The following SORBS2 variants were observed in gnomAD, a reference collection of about 807,000 sequenced individuals.
SORBS2 encodes the protein sorbin and SH3 domain-containing protein 2.
Under a neutral mutation model 97.7 loss-of-function variants are expected in SORBS2, and 46 were observed. The observed-to-expected ratio is 0.47, with a 90% CI of 0.37 to 0.60. The LOEUF (loss-of-function observed/expected upper bound fraction) is 0.60, where lower values mean the gene tolerates loss of function less well. SORBS2 is among the 20% of genes least tolerant of loss of function. The pLI, the probability that SORBS2 is intolerant of heterozygous loss-of-function variation, is 0.00. For synonymous variants in SORBS2, 476 were observed against 473.4 expected, an observed-to-expected ratio of 1.01 and a Z score of -0.07; for missense variants, 1,316 against 1,282.3, an observed-to-expected ratio of 1.03 and a Z score of -0.40.
intron 1 of SORBS2, among the ~76,000 whole-genome samples, chr4:185,925,052 C>A (rs2099262947): frequency 6.6e-6 from 1 of 152,138 alleles, no homozygotes; most frequent in South Asian, 2.1e-4. Context: ...CAAAAAGTTG[C>A]CACTGATTGA....
At chr4:185,586,882 C>T (rs2095806673) in exon 15 of SORBS2, 1 of 152,656 alleles carries the variant, frequency 6.6e-6, no homozygotes, top group South Asian at 2.1e-4. Context: ...TGTAGCCTAG[C>T]TCAGCCTCTT....
intron 1 of SORBS2, among the ~76,000 whole-genome samples, chr4:185,836,946 G>T (rs1463502492): frequency 6.6e-6 from 1 of 152,200 alleles, no homozygotes; most frequent in Non-Finnish European, 1.5e-5. Flanking sequence ...TAGCTAAGCT[G>T]CCTCGAATTC....
intron 1 of SORBS2, among the ~76,000 whole-genome samples, chr4:185,906,171 C>T (rs1463880642): frequency 7.2e-5 from 11 of 152,082 alleles, no homozygotes; most frequent in African/African-American, 1.4e-4. Context: ...GTAGCTGGGA[C>T]TACTGGCATG....
rs1305421607 is a variant in SORBS2 at position 185,635,294 on chromosome 4, A to G, written c.397-4696T>C. 7.7e-5 allele frequency: 92 copies of G among 1,198,178 alleles called. 1 individual carries two copies. Among genetic ancestry groups the G allele is most frequent in the South Asian group, 2.3e-4 (18 of 78,854 alleles). The allele number at this position is 1,198,178 out of a possible 1,614,324, so 74.2% of individuals were successfully genotyped here. A position where few individuals can be genotyped will look rare whatever the true frequency, so the allele number is the denominator to read the frequency against. ...AGAGAATTGTAAAACACAGATGTGC[A>G]GAATCACAGTCACAGCCTCTAAGGG... On this transcript the variant is annotated intron_variant, in intron 4 of 14. Transcript: ENST00000418609.
chr4:185,826,496 C>T (rs2099199891), intron 1 of SORBS2, among the ~76,000 whole-genome samples: 1 of 152,220 alleles, frequency 6.6e-6, no homozygotes, highest in African/African-American at 2.4e-5. Flanking sequence ...TCATCCTAGT[C>T]TCTAAACAGA....
chr4:185,825,797 T>G (rs950495349), intron 1 of SORBS2, among the ~76,000 whole-genome samples: 2 of 152,226 alleles, frequency 1.3e-5, no homozygotes, highest in Non-Finnish European at 2.9e-5. Flanking sequence ...CTGAGGTTAA[T>G]GAAATAATTT....
intron 2 of SORBS2, among the ~76,000 whole-genome samples, chr4:185,700,565 A>C (rs560619561): frequency 1.3e-4 from 20 of 152,354 alleles, no homozygotes; most frequent in Admixed American, 2.6e-4. Context: ...TATAAATAAC[A>C]GTTGCAGCTA....
chr4:185,941,014 C>T (rs1166485001), intron 1 of SORBS2, among the ~76,000 whole-genome samples: 2 of 151,996 alleles, frequency 1.3e-5, no homozygotes, highest in Non-Finnish European at 2.9e-5. Flanking sequence ...GGACAGCTGC[C>T]CACATAAAAG....
chr4:185,809,964 T>C, intron 1 of SORBS2, among the ~76,000 whole-genome samples: 1 of 152,228 alleles, frequency 6.6e-6, no homozygotes, highest in East Asian at 1.9e-4. Context: ...TGTAAAGCTT[T>C]GAAGGAAATT....
intron 11 of SORBS2, 87 bp from the exon 24 acceptor site, chr4:185,612,067 G>C: frequency 9.5e-7 from 1 of 1,050,390 alleles, no homozygotes; most frequent in Non-Finnish European, 1.4e-6. Flanking sequence ...GAAAAAATAG[G>C]TTTCCATTTG....
At chr4:185,641,620 A>G (rs1321782231) in intron 4 of SORBS2, among the ~76,000 whole-genome samples, 1 of 152,096 alleles carries the variant, frequency 6.6e-6, no homozygotes, top group African/African-American at 2.4e-5. Context: ...TGAGTACAGC[A>G]CTAATATTAA....
chr4:185,834,702 A>G (rs913818210), intron 1 of SORBS2, among the ~76,000 whole-genome samples: 2 of 152,320 alleles, frequency 1.3e-5, no homozygotes, highest in African/African-American at 4.8e-5. Context: ...TTAAAACTCA[A>G]AAGTGATTTT....
chr4:185,938,516 C>A (rs1278893285), intron 1 of SORBS2, among the ~76,000 whole-genome samples: 1 of 151,784 alleles, frequency 6.6e-6, no homozygotes, highest in Non-Finnish European at 1.5e-5. Context: ...ACTCAAACTT[C>A]TTATCCTGCG....
At chr4:185,814,002 G>A (rs1346049112) in intron 1 of SORBS2, among the ~76,000 whole-genome samples, 1 of 152,132 alleles carries the variant, frequency 6.6e-6, no homozygotes, top group Non-Finnish European at 1.5e-5. Context: ...CTACGACACT[G>A]TATGAATAGG....
intron 9 of SORBS2, among the ~76,000 whole-genome samples, chr4:185,617,624 T>C (rs932376377): frequency 6.6e-6 from 1 of 152,188 alleles, no homozygotes; most frequent in Admixed American, 6.5e-5. Flanking sequence ...GAACAAAGTT[T>C]CTTAAAGGTC....
intron 1 of SORBS2, among the ~76,000 whole-genome samples, chr4:185,834,874 A>G (rs1490457834): frequency 6.6e-6 from 1 of 152,206 alleles, no homozygotes; most frequent in Non-Finnish European, 1.5e-5. Context: ...AAAATAACCA[A>G]AAAGCGTTTC....
At chr4:185,822,925 TGCCAAA>T (rs746540124) in intron 1 of SORBS2, among the ~76,000 whole-genome samples, 10 of 152,220 alleles carry the variant, frequency 6.6e-5, no homozygotes, top group Non-Finnish European at 1.3e-4. Context: ...CAATTCACGA[TGCCAAA>T]GGAAAAAATT....
chr4:185,877,990 T>C (rs2099234631), intron 1 of SORBS2, among the ~76,000 whole-genome samples: 1 of 151,918 alleles, frequency 6.6e-6, no homozygotes, highest in Admixed American at 6.5e-5. Flanking sequence ...CATTACAATA[T>C]TTCCAGTTAA....
intron 2 of SORBS2, among the ~76,000 whole-genome samples, chr4:185,741,388 CTTTTCTTTT>C (rs2098724280): frequency 7.4e-6 from 1 of 134,268 alleles, no homozygotes; most frequent in African/African-American, 2.8e-5. Flanking sequence ...TTCTTTCTTT[CTTTTCTTTT>C]TTTTTTGTTT....
Sources: gnomAD v4.1 joint callset for allele counts (sites outside exome capture counted in the v4.1 genomes callset) on GRCh38, gnomAD v4.1.1 for gene constraint, MANE v1.5 for transcripts, NCBI Gene and HGNC (gene_info 2026-07-23, HGNC 2026-07-21) for gene names.